The following MYO1D variants were observed in gnomAD, a reference collection of about 807,000 sequenced individuals.
The protein encoded by MYO1D is unconventional myosin-Id.
In MYO1D, 83 loss-of-function variants were observed where a neutral mutation model predicts 122.0. That is an observed-to-expected ratio of 0.68 (90% CI 0.57 to 0.82). MYO1D has a LOEUF of 0.82. Ranked by LOEUF, MYO1D falls within the 40% of genes least tolerant of loss-of-function variation. The probability of loss-of-function intolerance (pLI) is 0.00; values close to 1 mark genes in which losing one functional copy is unlikely to be tolerated. For missense variants in MYO1D, 1,157 were observed against 1,269.5 expected (o/e 0.91, Z 1.35); for synonymous variants, 464 against 446.9 (o/e 1.04, Z -0.48).
intron 20 of MYO1D, among the ~76,000 whole-genome samples, chr17:32,617,011 T>C (rs531084947): frequency 4.9e-4 from 74 of 152,246 alleles, no homozygotes; most frequent in African/African-American, 1.6e-3. Context: ...AACATGGCCA[T>C]TTCTATTAAA....
chr17:32,603,626 C>T (rs1014929421), intron 21 of MYO1D, among the ~76,000 whole-genome samples: 6 of 150,460 alleles, frequency 4.0e-5, no homozygotes, highest in African/African-American at 1.2e-4. Context: ...CCCAGGTTCA[C>T]GCCATTCTCC....
intron 21 of MYO1D, among the ~76,000 whole-genome samples, chr17:32,525,072 C>G (rs931175427): frequency 3.3e-5 from 5 of 152,218 alleles, no homozygotes; most frequent in African/African-American, 1.2e-4. Context: ...TAGGAATTCT[C>G]AATCTGCAAG....
intron 15 of MYO1D, among the ~76,000 whole-genome samples, chr17:32,712,425 A>T (rs981688492): frequency 6.6e-6 from 1 of 152,226 alleles, no homozygotes; most frequent in Non-Finnish European, 1.5e-5. Context: ...AAGCTCATAC[A>T]GTCTATTTGC....
In MYO1D at chr17:32,514,071, G is replaced by A. The variant is rs553630686; in HGVS notation, c.2865-19156C>T. 7.9e-5 allele frequency among the ~76,000 whole-genome samples: 12 copies of A among 151,696 alleles called. No homozygotes were observed. The South Asian group carries it at 1.9e-3, about 24-fold the overall frequency. On this transcript the variant is annotated intron_variant, in intron 21 of 21. Transcript: ENST00000318217. ...AGCCTGGCCAAGATAGTGAAACTCCGTCTCTACTAAAAATACAAAAATTGG... is the reference window on the plus strand; with the variant it reads ...AGCCTGGCCAAGATAGTGAAACTCCATCTCTACTAAAAATACAAAAATTGG...
chr17:32,553,108 A>AAC (rs1567887534), intron 21 of MYO1D, among the ~76,000 whole-genome samples: 27 of 148,950 alleles, frequency 1.8e-4, no homozygotes, highest in African/African-American at 6.4e-4. Context: ...CAAAACAAAA[A>AAC]AAAAAACAAA....
At chr17:32,647,643 T>C (rs1389213343) in intron 19 of MYO1D, among the ~76,000 whole-genome samples, 6 of 152,074 alleles carry the variant, frequency 3.9e-5, no homozygotes, top group Admixed American at 3.9e-4. Context: ...ACTGACATGG[T>C]ACATTCCTTT....
At chr17:32,611,353 T>G (rs1297869436) in intron 20 of MYO1D, among the ~76,000 whole-genome samples, 2 of 152,106 alleles carry the variant, frequency 1.3e-5, no homozygotes, top group African/African-American at 4.8e-5. Flanking sequence ...TAAAGAATAA[T>G]AGAAGAAAAC....
At chr17:32,654,692 TTTTC>T in intron 17 of MYO1D, 71 bp from the exon 18 acceptor site, 67 of 1,412,820 alleles carry the variant, frequency 4.7e-5, no homozygotes, top group Middle Eastern at 2.4e-4. Flanking sequence ...CTCTTTTTTT[TTTTC>T]TTTTTTGAGT....
At chr17:32,582,128 T>G (rs1052671038) in intron 21 of MYO1D, among the ~76,000 whole-genome samples, 2 of 152,078 alleles carry the variant, frequency 1.3e-5, no homozygotes, top group African/African-American at 2.4e-5. Flanking sequence ...TTGCCCAGGC[T>G]GGTCTCAAAC....
chr17:32,641,198 T>G (rs984255835), intron 19 of MYO1D, among the ~76,000 whole-genome samples: 1 of 151,222 alleles, frequency 6.6e-6, no homozygotes, highest in Non-Finnish European at 1.5e-5. Flanking sequence ...TGCTTTTTTG[T>G]CCTTGCGATA....
intron 20 of MYO1D, among the ~76,000 whole-genome samples, chr17:32,635,052 C>T (rs1474211877): frequency 2.0e-5 from 3 of 152,154 alleles, no homozygotes; most frequent in African/African-American, 7.2e-5. Flanking sequence ...TCGGCATGAA[C>T]AAAAGTACCG....
chr17:32,500,815 GC>G lies in MYO1D; in HGVS notation c.2865-5901del, dbSNP rs373630798. 3.5e-4 allele frequency among the ~76,000 whole-genome samples: 53 copies of G among 152,254 alleles called. No individual in the cohort carries two copies. In the East Asian group the frequency reaches 7.7e-3, roughly 22 times the overall value. ...AGGTCAGGAGATCGAGACCATCCTG[GC>G]CAACATGGTGAAACCCCATCTCTAC... On this transcript the variant is annotated intron_variant, in intron 21 of 21. Coordinates refer to ENST00000318217, the MANE Select transcript of MYO1D (RefSeq NM_015194.3).
intron 21 of MYO1D, among the ~76,000 whole-genome samples, chr17:32,517,393 T>G (rs1909928996): frequency 6.6e-6 from 1 of 152,204 alleles, no homozygotes; most frequent in Non-Finnish European, 1.5e-5. Flanking sequence ...AGTGTCAGCT[T>G]TACAGCTGAA....
At chr17:32,781,922 A>G (rs2090243284) in intron 1 of MYO1D, among the ~76,000 whole-genome samples, 1 of 152,246 alleles carries the variant, frequency 6.6e-6, no homozygotes, top group Admixed American at 6.5e-5. Context: ...CCACATAACA[A>G]GTGGTTACCA....
At chr17:32,866,028 T>A (rs1005242978) in intron 1 of MYO1D, among the ~76,000 whole-genome samples, 7 of 152,262 alleles carry the variant, frequency 4.6e-5, no homozygotes, top group African/African-American at 1.7e-4. Context: ...ATTTTTCATT[T>A]TTTTACAGAC....
chr17:32,690,957 C>G (rs952368035), intron 16 of MYO1D, among the ~76,000 whole-genome samples: 30 of 152,116 alleles, frequency 2.0e-4, no homozygotes, highest in African/African-American at 6.5e-4. Flanking sequence ...TAAGTACAGT[C>G]GCTCTAGTGG....
chr17:32,552,401 A>T (rs1328813568), intron 21 of MYO1D, among the ~76,000 whole-genome samples: 1 of 128,252 alleles, frequency 7.8e-6, no homozygotes, highest in East Asian at 2.0e-4. Context: ...TAACCTTTGT[A>T]ATCCATCCAT....
intron 21 of MYO1D, among the ~76,000 whole-genome samples, chr17:32,561,166 C>T (rs1321777329): frequency 1.3e-5 from 2 of 152,072 alleles, no homozygotes; most frequent in Non-Finnish European, 2.9e-5. Context: ...CCCGCCTCAA[C>T]CTCCCAAAGT....
chr17:32,598,213 A>G (rs1304093778), intron 21 of MYO1D, among the ~76,000 whole-genome samples: 1 of 152,046 alleles, frequency 6.6e-6, no homozygotes, highest in South Asian at 2.1e-4. Flanking sequence ...ATCTCTACTA[A>G]AAACACAAAA....
Sources: allele counts gnomAD v4.1 joint callset (sites outside exome capture counted in the v4.1 genomes callset), GRCh38; gene constraint gnomAD v4.1.1; transcripts MANE v1.5; gene names NCBI Gene and HGNC (gene_info 2026-07-23, HGNC 2026-07-21).